Variants in XKR4 observed in about 807,000 individuals in gnomAD.
XKR4 encodes XK-related protein 4.
Under a neutral mutation model 53.9 loss-of-function variants are expected in XKR4, and 12 were observed. The ratio of observed to expected loss-of-function variants is 0.22; its 90% CI spans 0.14 to 0.36. The LOEUF is 0.36. XKR4 is among the 10% of genes least tolerant of loss of function. XKR4 has a pLI of 1.00. For synonymous variants in XKR4, 354 were observed against 362.4 expected (o/e 0.98, Z 0.26); for missense variants, 799 against 859.5 (o/e 0.93, Z 0.88).
chr8:55,194,928 A>G (rs1412678729), intron 1 of XKR4, among the ~76,000 whole-genome samples: 1 of 152,222 alleles, frequency 6.6e-6, no homozygotes, highest in East Asian at 1.9e-4. Flanking sequence ...CAGGTGATAG[A>G]TGAGTAAAAA....
intron 1 of XKR4, among the ~76,000 whole-genome samples, chr8:55,192,004 T>G (rs1336018538): frequency 6.6e-6 from 1 of 151,652 alleles, no homozygotes; most frequent in Non-Finnish European, 1.5e-5. Flanking sequence ...GAGAGAGTTC[T>G]GCCTTAAAAG....
chr8:55,367,443 G>T (rs1278847443), intron 2 of XKR4, among the ~76,000 whole-genome samples: 1 of 152,170 alleles, frequency 6.6e-6, no homozygotes, highest in East Asian at 1.9e-4. Flanking sequence ...TATTTTTAAT[G>T]TGTCTTTAAT....
At chr8:55,304,092 G>T (rs1187331449) in intron 1 of XKR4, among the ~76,000 whole-genome samples, 2 of 152,068 alleles carry the variant, frequency 1.3e-5, no homozygotes, top group African/African-American at 4.8e-5. Flanking sequence ...TGTGACGTTA[G>T]GGTGTCGATT....
At chr8:55,279,276 T>C (rs1400947312) in intron 1 of XKR4, among the ~76,000 whole-genome samples, 1 of 152,166 alleles carries the variant, frequency 6.6e-6, no homozygotes, top group African/African-American at 2.4e-5. Flanking sequence ...ACTGTGGGGC[T>C]CAGCTCCAGC....
intron 1 of XKR4, among the ~76,000 whole-genome samples, chr8:55,212,103 G>A (rs1817739595): frequency 6.6e-6 from 1 of 151,258 alleles, no homozygotes; most frequent in African/African-American, 2.4e-5. Context: ...CAATAGAAGG[G>A]AGTGTCTGGG....
intron 2 of XKR4, among the ~76,000 whole-genome samples, chr8:55,485,988 A>T (rs10110540): frequency 0.33 from 50,210 of 152,152 alleles, 9,740 homozygotes; most frequent in African/African-American, 0.55. Context: ...AATTTAAGAA[A>T]CATAAAACAT....
rs73682909 is a variant in XKR4, at chr8:55,220,599, T to A, written c.806+117305T>A. 8.9e-3 allele frequency among the ~76,000 whole-genome samples: 1,362 copies of A among 152,300 alleles called. 23 individuals carry two copies. Among genetic ancestry groups the A allele is most frequent in the African/African-American group, 0.03 (1,262 of 41,554 alleles). The stretch of plus-strand genomic sequence containing the variant: ...GGGGCAGGTCCCAGTGTGACTGAAA[T>A]GGACTCCATAGACTCTCAAAGCTCT... On this transcript the variant is annotated intron_variant, in intron 1 of 2. Transcript: ENST00000327381.
chr8:55,300,827 G>A (rs1819182800), intron 1 of XKR4, among the ~76,000 whole-genome samples: 1 of 152,036 alleles, frequency 6.6e-6, no homozygotes, highest in African/African-American at 2.4e-5. Context: ...GGAGAACTGG[G>A]TTTTCAGAAG....
intron 1 of XKR4, among the ~76,000 whole-genome samples, chr8:55,201,273 T>C (rs1257677527): frequency 6.6e-6 from 1 of 152,230 alleles, no homozygotes; most frequent in Non-Finnish European, 1.5e-5. Flanking sequence ...AAAAATATTG[T>C]GGCTGCAGTT....
intron 2 of XKR4, among the ~76,000 whole-genome samples, chr8:55,389,763 A>T (rs1804417796): frequency 6.6e-6 from 1 of 152,138 alleles, no homozygotes; most frequent in Non-Finnish European, 1.5e-5. Context: ...TGTGGAAATG[A>T]AGTGAAGTTA....
intron 1 of XKR4, among the ~76,000 whole-genome samples, chr8:55,136,195 GCTCA>G (rs1346248066): frequency 1.3e-5 from 2 of 152,142 alleles, no homozygotes; most frequent in Non-Finnish European, 2.9e-5. Context: ...CCTGGCCCAT[GCTCA>G]CTAATTTGTC....
At chr8:55,384,294 C>T (rs558744861) in intron 2 of XKR4, among the ~76,000 whole-genome samples, 5 of 152,250 alleles carry the variant, frequency 3.3e-5, no homozygotes, top group East Asian at 1.9e-4. Flanking sequence ...CCAGGAAAAA[C>T]ATTTTTTCAC....
At chr8:55,466,978 C>T (rs1011268795) in intron 2 of XKR4, among the ~76,000 whole-genome samples, 2 of 152,140 alleles carry the variant, frequency 1.3e-5, no homozygotes, top group South Asian at 2.1e-4. Flanking sequence ...ATGTTTGTGA[C>T]CTCACAGTTT....
intron 1 of XKR4, among the ~76,000 whole-genome samples, chr8:55,197,567 A>G (rs35210280): frequency 0.2 from 29,889 of 149,300 alleles, 3,086 homozygotes; most frequent in Non-Finnish European, 0.22. Flanking sequence ...TTTTTGAGAC[A>G]GAGTCTCGCT....
intron 1 of XKR4, among the ~76,000 whole-genome samples, chr8:55,176,757 T>G (rs1248163628): frequency 1.3e-5 from 2 of 152,134 alleles, no homozygotes; most frequent in Non-Finnish European, 2.9e-5. Context: ...ACAAAATAGC[T>G]AATTTTTTTC....
intron 2 of XKR4, among the ~76,000 whole-genome samples, chr8:55,394,302 A>C (rs1804485721): frequency 6.6e-6 from 1 of 152,158 alleles, no homozygotes; most frequent in African/African-American, 2.4e-5. Flanking sequence ...TTACTGCCTA[A>C]TTAGGTATGT....
chr8:55,303,983 G>A (rs1396058212), intron 1 of XKR4, among the ~76,000 whole-genome samples: 2 of 151,924 alleles, frequency 1.3e-5, no homozygotes, highest in Non-Finnish European at 2.9e-5. Context: ...AGGGTTTTTT[G>A]TGTCTCTATT....
At chr8:55,345,424 T>C (rs2129382759) in intron 1 of XKR4, among the ~76,000 whole-genome samples, 1 of 152,374 alleles carries the variant, frequency 6.6e-6, no homozygotes, top group Admixed American at 6.5e-5. Context: ...CCATGATGTG[T>C]AGCCACTGAA....
chr8:55,449,405 T>C, intron 2 of XKR4: 1 of 639,108 alleles, frequency 1.6e-6, no homozygotes, highest in Non-Finnish European at 2.8e-6. Flanking sequence ...GCCTCACTAC[T>C]GCCGAGGGCC....
Sources: allele counts gnomAD v4.1 joint callset (sites outside exome capture counted in the v4.1 genomes callset), GRCh38; gene constraint gnomAD v4.1.1; transcripts MANE v1.5; gene names NCBI Gene and HGNC (gene_info 2026-07-23, HGNC 2026-07-21).